SLC24A2: variants seen among roughly 807,000 people sequenced by gnomAD.
SLC24A2 encodes the protein sodium/potassium/calcium exchanger 2.
SLC24A2 carries 36 observed loss-of-function variants against 62.0 expected under a neutral mutation model. The ratio of observed to expected loss-of-function variants is 0.58; its 90% CI spans 0.44 to 0.77. The LOEUF is 0.77. Among genes scored for constraint, SLC24A2 ranks in the 30% least tolerant of loss-of-function variants. The probability of loss-of-function intolerance (pLI) is 0.00; values close to 1 mark genes in which losing one functional copy is unlikely to be tolerated. For missense variants in SLC24A2, 846 were observed against 817.9 expected, an observed-to-expected ratio of 1.03 and a Z score of -0.42; for synonymous variants, 358 against 294.0, an observed-to-expected ratio of 1.22 and a Z score of -2.23.
intron 2 of SLC24A2, among the ~76,000 whole-genome samples, chr9:19,636,433 TTCTC>T (rs1818358487): frequency 6.9e-6 from 1 of 145,648 alleles, no homozygotes; most frequent in Non-Finnish European, 1.5e-5. Flanking sequence ...TTCTCTTCTC[TTCTC>T]TTTTCTTTTT....
the SLC24A2 span, among the ~76,000 whole-genome samples, chr9:20,142,164 G>T: frequency 6.6e-6 from 1 of 152,102 alleles, no homozygotes; most frequent in African/African-American, 2.4e-5. Flanking sequence ...CCTTTTTAGA[G>T]ATTCTTACTG....
chr9:19,967,037 T>G, the SLC24A2 span, among the ~76,000 whole-genome samples: 1 of 152,170 alleles, frequency 6.6e-6, no homozygotes, highest in East Asian at 1.9e-4. Context: ...CACATTTATT[T>G]GAATTTGAAA....
the SLC24A2 span, among the ~76,000 whole-genome samples, chr9:19,800,631 C>G: frequency 6.6e-6 from 1 of 151,052 alleles, no homozygotes; most frequent in South Asian, 2.1e-4. Context: ...ATGTATTATA[C>G]AGTACTACTA....
At chr9:20,103,211 G>A in the SLC24A2 span, among the ~76,000 whole-genome samples, 2 of 152,206 alleles carry the variant, frequency 1.3e-5, no homozygotes, top group Non-Finnish European at 2.9e-5. Flanking sequence ...AAACTGGGTG[G>A]AGCCCACCAC....
chr9:20,227,209 C>G, the SLC24A2 span, among the ~76,000 whole-genome samples: 1 of 152,130 alleles, frequency 6.6e-6, no homozygotes. Flanking sequence ...AATATGAATA[C>G]GATATGTTGA....
intron 8 of SLC24A2, among the ~76,000 whole-genome samples, chr9:19,534,693 C>G (rs1157153467): frequency 6.6e-6 from 1 of 152,064 alleles, no homozygotes; most frequent in Non-Finnish European, 1.5e-5. Flanking sequence ...TGAACTCATC[C>G]TTTTTTATGG....
intron 7 of SLC24A2, among the ~76,000 whole-genome samples, chr9:19,553,658 G>C (rs2132762123): frequency 6.6e-6 from 1 of 152,298 alleles, no homozygotes; most frequent in South Asian, 2.1e-4. Context: ...CAGGAATCCT[G>C]AGTTCCAGTG....
chr9:19,519,672 G>A (rs111920954), intron 10 of SLC24A2, among the ~76,000 whole-genome samples: 2,202 of 152,258 alleles, frequency 0.014, 57 homozygotes, highest in African/African-American at 0.051. Context: ...AGTCTAGCAG[G>A]CAGATATACC....
At chr9:19,627,862 G>C (rs981873489) in intron 2 of SLC24A2, among the ~76,000 whole-genome samples, 1 of 152,054 alleles carries the variant, frequency 6.6e-6, no homozygotes, top group Non-Finnish European at 1.5e-5. Context: ...TGTGCTACTG[G>C]CAACCATTGT....
chr9:19,619,746 T>C lies in SLC24A2; in HGVS notation c.970-54A>G. 4 of 1,351,894 alleles carry C rather than the reference T, an allele frequency of 3.0e-6. No individual in the cohort carries two copies. The South Asian group carries it at 4.7e-5, about 16-fold the overall frequency. 83.7% of individuals were successfully genotyped at this position (1,351,894 alleles called of 1,614,324 possible). A position where few individuals can be genotyped will look rare whatever the true frequency, so the allele number is the denominator to read the frequency against. ...GTCTCAGGAATGAAAGACAAGTGCATTATAGACAAGATCCTCACCTAGTCT... is the reference window on the plus strand; with the variant it reads ...GTCTCAGGAATGAAAGACAAGTGCACTATAGACAAGATCCTCACCTAGTCT... On this transcript the variant is annotated intron_variant, in intron 3 of 10. Coordinates refer to ENST00000341998, the MANE Select transcript of SLC24A2 (RefSeq NM_020344.4).
the SLC24A2 span, among the ~76,000 whole-genome samples, chr9:20,269,744 T>TA: frequency 6.6e-6 from 1 of 152,220 alleles, no homozygotes; most frequent in Non-Finnish European, 1.5e-5. Flanking sequence ...ACTTTGTTTT[T>TA]ACTACATCTG....
chr9:19,622,327 A>G, intron 2 of SLC24A2, 28 bp from the exon 3 acceptor site: 1 of 1,603,680 alleles, frequency 6.2e-7, no homozygotes, highest in Middle Eastern at 1.7e-4. Flanking sequence ...GCAAAGACAA[A>G]AGACAAAGAA....
chr9:19,560,471 T>G (rs1835334615), intron 7 of SLC24A2, among the ~76,000 whole-genome samples: 1 of 152,316 alleles, frequency 6.6e-6, no homozygotes, highest in South Asian at 2.1e-4. Flanking sequence ...TCTGTCTCTA[T>G]GTCCCCCTCT....
chr9:20,015,311 G>C, the SLC24A2 span, among the ~76,000 whole-genome samples: 1 of 152,208 alleles, frequency 6.6e-6, no homozygotes, highest in Admixed American at 6.5e-5. Flanking sequence ...TGAATCTCCA[G>C]CTTCAAAGAT....
At chr9:19,778,476 C>A (rs1822910872) in intron 2 of SLC24A2, among the ~76,000 whole-genome samples, 1 of 152,052 alleles carries the variant, frequency 6.6e-6, no homozygotes, top group Non-Finnish European at 1.5e-5. Flanking sequence ...AAAAAATCTG[C>A]CTCGCAAAGG....
the SLC24A2 span, among the ~76,000 whole-genome samples, chr9:20,158,151 C>T: frequency 2.6e-5 from 4 of 151,470 alleles, no homozygotes; most frequent in East Asian, 7.8e-4. Context: ...GGAAGAAATG[C>T]AATAAGAATG....
chr9:19,805,282 T>G, the SLC24A2 span, among the ~76,000 whole-genome samples: 2 of 152,204 alleles, frequency 1.3e-5, no homozygotes, highest in African/African-American at 4.8e-5. Flanking sequence ...ATTGAGGTAG[T>G]TAGTATAATT....
At chr9:20,285,372 G>A in the SLC24A2 span, among the ~76,000 whole-genome samples, 2 of 152,208 alleles carry the variant, frequency 1.3e-5, no homozygotes, top group South Asian at 2.1e-4. Context: ...AGAGTGAATC[G>A]GCAAGCTGGA....
At chr9:19,563,817 C>CCTT (rs1835527868) in intron 7 of SLC24A2, among the ~76,000 whole-genome samples, 1 of 94,820 alleles carries the variant, frequency 1.1e-5, no homozygotes, top group Non-Finnish European at 1.9e-5. Context: ...TTCCTTCCTT[C>CCTT]CTTCCTTCCT....
Sources: gnomAD v4.1 joint callset for allele counts (sites outside exome capture counted in the v4.1 genomes callset) on GRCh38, gnomAD v4.1.1 for gene constraint, MANE v1.5 for transcripts, NCBI Gene and HGNC (gene_info 2026-07-23, HGNC 2026-07-21) for gene names.